The following PRKACB variants were observed in gnomAD, a reference collection of about 807,000 sequenced individuals.
PRKACB encodes the protein cAMP-dependent protein kinase catalytic subunit beta.
A neutral mutation model predicts 51.4 loss-of-function variants in PRKACB; 16 were observed. The observed-to-expected ratio is 0.31, with a 90% confidence interval of 0.21 to 0.47. PRKACB has a LOEUF of 0.47. PRKACB is among the 20% of genes least tolerant of loss of function. The pLI is 1.00. For missense variants in PRKACB, 309 were observed against 464.5 expected (o/e 0.67, Z 3.08); for synonymous variants, 147 against 154.4 (o/e 0.95, Z 0.35).
At chr1:84,144,596 G>T in intron 1 of PRKACB, 48 bp downstream of exon 1, 1 of 1,491,716 alleles carries the variant, frequency 6.7e-7, no homozygotes, top group South Asian at 1.3e-5. Flanking sequence ...AACTAAAATG[G>T]TAATTGGAGT....
chr1:84,130,321 A>C (rs1200396699), intron 1 of PRKACB, among the ~76,000 whole-genome samples: 1 of 152,016 alleles, frequency 6.6e-6, no homozygotes, highest in Non-Finnish European at 1.5e-5. Context: ...TCCTGCTTTG[A>C]GACAAGATAT....
chr1:84,157,982 G>A (rs1655713347), intron 1 of PRKACB, among the ~76,000 whole-genome samples: 1 of 152,044 alleles, frequency 6.6e-6, no homozygotes, highest in Non-Finnish European at 1.5e-5. Context: ...TTCCCAAAGT[G>A]GTGGTACCAT....
chr1:84,194,793 C>G (rs907900476), intron 5 of PRKACB, among the ~76,000 whole-genome samples: 1 of 151,926 alleles, frequency 6.6e-6, no homozygotes, highest in Non-Finnish European at 1.5e-5. Context: ...AAAAAATTAG[C>G]TGGGCATGGT....
upstream of PRKACB, among the ~76,000 whole-genome samples, chr1:84,143,637 A>C (rs1653656329): frequency 6.6e-6 from 1 of 152,118 alleles, no homozygotes; most frequent in South Asian, 2.1e-4. Context: ...TGTTCTTTTC[A>C]AATTTTAGAA....
intron 8 of PRKACB, among the ~76,000 whole-genome samples, chr1:84,203,845 G>C (rs1670830382): frequency 6.6e-6 from 1 of 151,662 alleles, no homozygotes; most frequent in Non-Finnish European, 1.5e-5. Context: ...GACCTTCTTA[G>C]GCAGAGATAA....
chr1:84,200,349 ATTTG>A (rs1214182264), intron 7 of PRKACB, among the ~76,000 whole-genome samples: 1 of 151,950 alleles, frequency 6.6e-6, no homozygotes, highest in Non-Finnish European at 1.5e-5. Flanking sequence ...TTTCTTGTAA[ATTTG>A]TTTAAGTTCC....
chr1:84,161,798 A>G (rs1656227928), intron 1 of PRKACB, among the ~76,000 whole-genome samples: 1 of 152,000 alleles, frequency 6.6e-6, no homozygotes, highest in Non-Finnish European at 1.5e-5. Flanking sequence ...AAACCCAGCA[A>G]CATAATGTTG....
intron 1 of PRKACB, among the ~76,000 whole-genome samples, chr1:84,148,415 A>G (rs1654405581): frequency 6.6e-6 from 1 of 151,562 alleles, no homozygotes; most frequent in Non-Finnish European, 1.5e-5. Context: ...ATAATATTTA[A>G]AATGCATTAC....
chr1:84,127,186 C>T (rs1406353521), intron 1 of PRKACB, among the ~76,000 whole-genome samples: 1 of 152,088 alleles, frequency 6.6e-6, no homozygotes. Flanking sequence ...TACATTTGTA[C>T]ATGAGATGAA....
In PRKACB at chr1:84,144,538, G is replaced by T; in HGVS notation, c.177G>T (p.Trp59Cys). Residue 59 changes from tryptophan (W) to cysteine (C), a missense_variant, in exon 1 of 10, where the codon TGG becomes TGT. By Grantham distance (215) the Trp-to-Cys change is radical. Transcript: ENST00000370685. ...ATTTCTCTGAACATACTGCCTTATGGGACAGATCAAGTAAGTTTTGTTTTT... is the reference window on the plus strand; with the variant it reads ...ATTTCTCTGAACATACTGCCTTATGTGACAGATCAAGTAAGTTTTGTTTTT... The part of the protein sequence containing the change: ...SLHFSEHTAL[W>C]DRSMKEFLAK... 6.3e-7 allele frequency: 1 copy of T among 1,581,236 alleles called. No individual in the cohort carries two copies. Among genetic ancestry groups the T allele is most frequent in the Non-Finnish European group, 8.6e-7 (1 of 1,169,128 alleles).
At chr1:84,090,077 A>T (rs143572085) in intron 1 of PRKACB, among the ~76,000 whole-genome samples, 1 of 152,194 alleles carries the variant, frequency 6.6e-6, no homozygotes, top group African/African-American at 2.4e-5. Flanking sequence ...CTAGAAATTT[A>T]CTATCATCAA....
chr1:84,190,898 C>T (rs1239172343), intron 5 of PRKACB, among the ~76,000 whole-genome samples: 3 of 152,034 alleles, frequency 2.0e-5, no homozygotes, highest in Non-Finnish European at 4.4e-5. Flanking sequence ...CTTTCTCCAT[C>T]CCTTTACTTT....
intron 1 of PRKACB, among the ~76,000 whole-genome samples, chr1:84,171,809 C>G (rs1221364107): frequency 6.6e-6 from 1 of 151,486 alleles, no homozygotes; most frequent in African/African-American, 2.4e-5. Flanking sequence ...GAATTGATAA[C>G]AGAATCTGGC....
chr1:84,115,919 A>G (rs887377126), intron 1 of PRKACB, among the ~76,000 whole-genome samples: 1 of 132,640 alleles, frequency 7.5e-6, no homozygotes, highest in South Asian at 2.4e-4. Context: ...AAAAAAAAAA[A>G]TTCTTTGCCT....
At position 84,203,035 on chromosome 1, in the gene PRKACB, T is replaced by C. The variant is rs565090129; in HGVS notation, c.906+230T>C. Among the ~76,000 whole-genome samples, 5 of 152,152 alleles carry C rather than the reference T, an allele frequency of 3.3e-5. No homozygotes were observed. The South Asian group carries it at 1.0e-3, about 32-fold the overall frequency. ...ACAGTAAAGCAATTTCTGTATTTAG[T>C]ATTTTTATCACAAAGAACAGGATCA... is the stretch of plus-strand genomic sequence containing the variant. On this transcript the variant is annotated intron_variant, in intron 8 of 9. Coordinates refer to ENST00000370685, the MANE Select transcript of PRKACB (RefSeq NM_182948.4).
At chr1:84,105,797 C>T (rs1242556961) in intron 1 of PRKACB, among the ~76,000 whole-genome samples, 8 of 151,866 alleles carry the variant, frequency 5.3e-5, no homozygotes, top group Non-Finnish European at 8.8e-5. Context: ...AGGCTGATCT[C>T]GAACTCCTGA....
intron 1 of PRKACB, among the ~76,000 whole-genome samples, chr1:84,157,559 C>G (rs972238731): frequency 3.9e-5 from 6 of 152,050 alleles, no homozygotes; most frequent in Non-Finnish European, 8.8e-5. Context: ...CAGTCAATCC[C>G]CACTCTCACC....
chr1:84,198,701 TGTAAAA>T (rs1668885779), intron 7 of PRKACB, among the ~76,000 whole-genome samples: 1 of 151,572 alleles, frequency 6.6e-6, no homozygotes, highest in Non-Finnish European at 1.5e-5. Flanking sequence ...GTGTATATAT[TGTAAAA>T]GTAATACTCA....
chr1:84,161,016 T>A (rs545637500), intron 1 of PRKACB, among the ~76,000 whole-genome samples: 2 of 151,942 alleles, frequency 1.3e-5, no homozygotes, highest in South Asian at 4.1e-4. Flanking sequence ...GTTGTTTGTC[T>A]CTTTTCCAAT....
Sources: allele counts gnomAD v4.1 joint callset (sites outside exome capture counted in the v4.1 genomes callset), GRCh38; gene constraint gnomAD v4.1.1; transcripts MANE v1.5; gene names NCBI Gene and HGNC (gene_info 2026-07-23, HGNC 2026-07-21).